The following CPOX variants were observed in gnomAD, a reference collection of about 807,000 sequenced individuals.
CPOX encodes the protein coproporphyrinogen oxidase.
Under a neutral mutation model 48.9 loss-of-function variants are expected in CPOX, and 24 were observed. The ratio of observed to expected loss-of-function variants is 0.49; its 90% CI spans 0.36 to 0.69. The LOEUF is 0.69. Among genes scored for constraint, CPOX ranks in the 30% least tolerant of loss-of-function variants. CPOX has a pLI of 0.00. For synonymous variants in CPOX, 249 were observed against 234.6 expected, an observed-to-expected ratio of 1.06 and a Z score of -0.56; for missense variants, 549 against 597.3, an observed-to-expected ratio of 0.92 and a Z score of 0.84.
intron 5 of CPOX, 96 bp downstream of exon 5, chr3:98,585,345 A>C: frequency 1.1e-6 from 1 of 938,662 alleles, no homozygotes; most frequent in Non-Finnish European, 1.8e-6. Context: ...TAACACAACT[A>C]TTACAAAGTA....
At chr3:98,590,565 C>T (rs566832613) in intron 3 of CPOX, 67 bp downstream of exon 3, 2 of 1,084,668 alleles carry the variant, frequency 1.8e-6, no homozygotes, top group African/African-American at 1.6e-5. Context: ...AGATGTTATG[C>T]CCTCTTATCT....
downstream of CPOX, among the ~76,000 whole-genome samples, chr3:98,578,763 A>C (rs546778223): frequency 6.6e-6 from 1 of 152,330 alleles, no homozygotes; most frequent in African/African-American, 2.4e-5. Context: ...TGTCATTAGC[A>C]ATAGTTATTC....
In CPOX at chr3:98,588,821, T is replaced by C. The variant is rs573797955; in HGVS notation, c.845A>G (p.Asp282Gly). ...TTGATTCAAGTATGTTGGAGTGAGG[T>C]CACATCCACCACCAAACCACCACTG... is the stretch of plus-strand genomic sequence containing the variant. ...NKQWWFGGGCDLTPTYLNQED... is the reference protein window; with the variant it reads ...NKQWWFGGGCGLTPTYLNQED... The change falls in exon 4 of 7, where the codon GAC becomes GGC. Residue 282 changes from aspartate (D) to glycine (G), a missense_variant. Physicochemically the swap from Asp to Gly is moderately conservative, Grantham distance 94. Around this residue, in one of 2 missense-constraint regions of CPOX, gnomAD observed 213 missense variants for 279.1 expected, o/e 0.76. Coordinates refer to ENST00000647941, the MANE Select transcript of CPOX (RefSeq NM_000097.7). 1.2e-6 allele frequency: 2 copies of C among 1,614,120 alleles called. No individual in the cohort carries two copies. The highest frequency in any genetic ancestry group is 1.3e-5 in the African/African-American group (1 of 75,036).
At chr3:98,576,413 C>T (rs993051627), downstream of CPOX, among the ~76,000 whole-genome samples, 6 of 152,192 alleles carry the variant, frequency 3.9e-5, no homozygotes, top group African/African-American at 1.4e-4. Flanking sequence ...ACTCAATTAC[C>T]TCCACCTGGT....
At chr3:98,578,272 T>C (rs1037696876), downstream of CPOX, 1 of 971,320 alleles carries the variant, frequency 1.0e-6, no homozygotes, top group African/African-American at 1.8e-5. Flanking sequence ...ATTGAAGAAC[T>C]GAAAACAAAT....
At chr3:98,592,803 T>C (rs1576306276) in intron 1 of CPOX, 146 bp downstream of exon 1, 1 of 831,912 alleles carries the variant, frequency 1.2e-6, no homozygotes, top group Non-Finnish European at 2.0e-6. Context: ...CATCTTTTTA[T>C]CAGCGGCCTC....
At chr3:98,586,440 T>C (rs1385489879) in intron 4 of CPOX, among the ~76,000 whole-genome samples, 3 of 152,008 alleles carry the variant, frequency 2.0e-5, no homozygotes, top group African/African-American at 7.3e-5. Flanking sequence ...ATAAACAATC[T>C]CTCAGGTCTC....
chr3:98,590,765 T>A, intron 2 of CPOX, 23 bp from the exon 3 acceptor site: 1 of 1,525,020 alleles, frequency 6.6e-7, no homozygotes, highest in African/African-American at 1.4e-5. Context: ...ATATGAGTCA[T>A]GAGCTATATT....
chr3:98,577,270 C>T (rs1707176848), downstream of CPOX, among the ~76,000 whole-genome samples: 1 of 152,110 alleles, frequency 6.6e-6, no homozygotes, highest in African/African-American at 2.4e-5. Context: ...GCTTGAATGT[C>T]AGACTGACTT....
At chr3:98,589,831 A>C (rs1707443166) in intron 3 of CPOX, 1 of 152,654 alleles carries the variant, frequency 6.6e-6, no homozygotes. Context: ...TAGGTGTGGC[A>C]CTGCACATGT....
intron 5 of CPOX, among the ~76,000 whole-genome samples, chr3:98,583,340 T>A (rs1237107909): frequency 6.6e-6 from 1 of 152,214 alleles, no homozygotes; most frequent in Non-Finnish European, 1.5e-5. Flanking sequence ...TAAGCAGTCA[T>A]ATAATTCAGT....
downstream of CPOX, chr3:98,578,139 G>A: frequency 2.1e-6 from 1 of 485,258 alleles, no homozygotes; most frequent in South Asian, 8.8e-5. Flanking sequence ...CAGGTAGACT[G>A]AATTAACACC....
intron 5 of CPOX, among the ~76,000 whole-genome samples, chr3:98,582,617 G>A (rs374572246): frequency 4.6e-5 from 7 of 151,622 alleles, no homozygotes; most frequent in African/African-American, 1.5e-4. Flanking sequence ...TCAGTCTCCC[G>A]AGTAGCTGGG....
At chr3:98,589,263 G>A (rs779285371) in intron 3 of CPOX, among the ~76,000 whole-genome samples, 8 of 152,120 alleles carry the variant, frequency 5.3e-5, no homozygotes, top group Non-Finnish European at 1.0e-4. Context: ...AGGTTGCAGT[G>A]AGCTGAGATA....
chr3:98,582,830 G>A (rs1350093350), intron 5 of CPOX, among the ~76,000 whole-genome samples: 1 of 152,110 alleles, frequency 6.6e-6, no homozygotes, highest in Non-Finnish European at 1.5e-5. Flanking sequence ...TTTGTATGTG[G>A]AACTTGTCAA....
intron 4 of CPOX, among the ~76,000 whole-genome samples, chr3:98,587,442 G>A (rs923449961): frequency 6.7e-6 from 1 of 149,768 alleles, no homozygotes; most frequent in African/African-American, 2.5e-5. Flanking sequence ...CTTAAGTTAT[G>A]GAAGCTGAGA....
Position 98,585,622 on chromosome 3 carries a change from G to T in CPOX, c.991C>A (p.Arg331=). The stretch of plus-strand genomic sequence containing the variant: ...AAAAAGATACCACCAATGCCCCGCC[G>T]TTCTCCACGATGGGCTATAAAGAAG... ...DYFFIAHRGE[R]RGIGGIFFDD... is the part of the protein sequence containing the mutation. The change falls in exon 5 of 7, where the codon CGG becomes AGG. Residue 331 remains arginine, a synonymous_variant. Transcript: ENST00000647941. 6.2e-7 allele frequency: 1 copy of T among 1,613,854 alleles called. No homozygotes were observed. Among genetic ancestry groups the T allele is most frequent in the East Asian group, 2.2e-5 (1 of 44,876 alleles).
downstream of CPOX, among the ~76,000 whole-genome samples, chr3:98,575,806 G>A (rs938987255): frequency 2.7e-5 from 4 of 150,638 alleles, no homozygotes; most frequent in African/African-American, 4.9e-5. Flanking sequence ...GCTGGCTCAT[G>A]CCTGTAATCC....
chr3:98,578,197 C>G, downstream of CPOX: 1 of 857,166 alleles, frequency 1.2e-6, no homozygotes, highest in Non-Finnish European at 1.4e-6. Context: ...GTAGGATAAT[C>G]TGTTTTCCAG....
Sources: gnomAD v4.1 joint callset for allele counts (sites outside exome capture counted in the v4.1 genomes callset) on GRCh38, gnomAD v4.1.1 for gene constraint, gnomAD v4.1.1 regional missense constraint, MANE v1.5 for transcripts, NCBI Gene and HGNC (gene_info 2026-07-23, HGNC 2026-07-21) for gene names.